Variants in PID1 observed in about 807,000 individuals in gnomAD.
PID1 encodes the protein PTB-containing, cubilin and LRP1-interacting protein.
Under a neutral mutation model 19.1 loss-of-function variants are expected in PID1, and 10 were observed. That is an observed-to-expected ratio of 0.52 (90% CI 0.32 to 0.89). The LOEUF is 0.89. Among genes scored for constraint, PID1 ranks in the 40% least tolerant of loss-of-function variants. The pLI is 0.03. For missense variants in PID1, 248 were observed against 285.3 expected (o/e 0.87, Z 0.94); for synonymous variants, 130 against 116.0 (o/e 1.12, Z -0.78).
chr2:229,162,314 A>G (rs1170314862), intron 1 of PID1, among the ~76,000 whole-genome samples: 1 of 152,222 alleles, frequency 6.6e-6, no homozygotes, highest in Non-Finnish European at 1.5e-5. Context: ...AGCAAGTGGC[A>G]ATTTACATAT....
intron 1 of PID1, among the ~76,000 whole-genome samples, chr2:229,204,196 T>C (rs114820236): frequency 0.02 from 2,968 of 152,144 alleles, 86 homozygotes; most frequent in African/African-American, 0.067. Context: ...TGTTTATTGC[T>C]AGAGCTGCTG....
intron 2 of PID1, among the ~76,000 whole-genome samples, chr2:229,052,297 A>G (rs891122266): frequency 2.6e-5 from 4 of 152,168 alleles, no homozygotes; most frequent in South Asian, 2.1e-4. Context: ...GGAAAAAAAA[A>G]TCCCATAGAA....
At chr2:229,220,723 G>A (rs918874303) in intron 1 of PID1, among the ~76,000 whole-genome samples, 1 of 152,050 alleles carries the variant, frequency 6.6e-6, no homozygotes. Context: ...CTCCACCTCC[G>A]CATTAATGCA....
chr2:229,057,152 T>C (rs777545354), intron 2 of PID1, among the ~76,000 whole-genome samples: 3 of 151,864 alleles, frequency 2.0e-5, no homozygotes, highest in Non-Finnish European at 4.4e-5. Flanking sequence ...AAAAACAAAC[T>C]AATAGCCAGG....
rs116788258 is a variant in PID1, at chr2:229,122,160, T to C, written c.177+33658A>G. 4.0e-3 allele frequency among the ~76,000 whole-genome samples: 615 copies of C among 152,336 alleles called. 1 individual carries two copies. The highest frequency in any genetic ancestry group is 0.014 in the African/African-American group (572 of 41,584). ...TCCTGGTTGAGGCGAAGAGTTTCTC[T>C]ACTAAAAAGTTAATGAAAAAGGTTT... On this transcript the variant is annotated intron_variant, in intron 2 of 2. Transcript: ENST00000392055.
chr2:229,144,721 G>A (rs530130157), intron 2 of PID1, among the ~76,000 whole-genome samples: 24 of 152,204 alleles, frequency 1.6e-4, no homozygotes, highest in African/African-American at 5.5e-4. Flanking sequence ...GTTTGGATAT[G>A]TAAAGGTAAA....
At chr2:229,224,091 T>C (rs2106260959) in intron 1 of PID1, among the ~76,000 whole-genome samples, 1 of 152,362 alleles carries the variant, frequency 6.6e-6, no homozygotes, top group East Asian at 1.9e-4. Flanking sequence ...GCTGCATCCA[T>C]GTTGCTACAA....
At chr2:229,034,739 G>GT (rs1428650971) in intron 2 of PID1, among the ~76,000 whole-genome samples, 2 of 151,732 alleles carry the variant, frequency 1.3e-5, no homozygotes, top group African/African-American at 4.9e-5. Context: ...TTTTCTGACA[G>GT]TGTCTCCTTT....
intron 1 of PID1, among the ~76,000 whole-genome samples, chr2:229,211,305 T>C (rs1346844259): frequency 6.6e-6 from 1 of 152,022 alleles, no homozygotes; most frequent in Admixed American, 6.6e-5. Context: ...CTAATATGCC[T>C]ATATCCCTTC....
intron 2 of PID1, among the ~76,000 whole-genome samples, chr2:229,077,211 C>T (rs1050540495): frequency 2.0e-5 from 3 of 152,066 alleles, no homozygotes; most frequent in African/African-American, 7.2e-5. Flanking sequence ...TGTTCATATC[C>T]TTCGCCAACT....
chr2:229,072,873 G>T (rs1452985907), intron 2 of PID1, among the ~76,000 whole-genome samples: 1 of 152,182 alleles, frequency 6.6e-6, no homozygotes, highest in Non-Finnish European at 1.5e-5. Context: ...CTTCTAGAAG[G>T]TGTTAGAGTG....
chr2:229,056,285 C>A (rs995725081), intron 2 of PID1, among the ~76,000 whole-genome samples: 1 of 152,124 alleles, frequency 6.6e-6, no homozygotes, highest in Non-Finnish European at 1.5e-5. Flanking sequence ...AAACCCTTGC[C>A]ATTTACGGTC....
At chr2:229,156,958 GT>G (rs1181696044) in intron 1 of PID1, among the ~76,000 whole-genome samples, 2 of 152,188 alleles carry the variant, frequency 1.3e-5, no homozygotes, top group Non-Finnish European at 2.9e-5. Context: ...CCTGTCGTAG[GT>G]ATTTGCAAGT....
chr2:229,191,339 C>T (rs1248502592), intron 1 of PID1, among the ~76,000 whole-genome samples: 1 of 152,160 alleles, frequency 6.6e-6, no homozygotes. Context: ...TGGCCCAGTG[C>T]TCTGGAAAGA....
At chr2:229,260,406 T>C (rs1312535503) in intron 1 of PID1, among the ~76,000 whole-genome samples, 1 of 151,816 alleles carries the variant, frequency 6.6e-6, no homozygotes, top group African/African-American at 2.4e-5. Flanking sequence ...GGTCTACATA[T>C]ATTGACCAGA....
chr2:229,166,499 T>C (rs920654835), intron 1 of PID1, among the ~76,000 whole-genome samples: 1 of 152,196 alleles, frequency 6.6e-6, no homozygotes, highest in Non-Finnish European at 1.5e-5. Context: ...TTTAATTCAT[T>C]CAAATGGCTT....
chr2:229,028,143 T>C (rs760270819), intron 2 of PID1, among the ~76,000 whole-genome samples: 1 of 152,236 alleles, frequency 6.6e-6, no homozygotes, highest in African/African-American at 2.4e-5. Context: ...ATCCCTTAGA[T>C]AAAATGCTTG....
chr2:229,181,201 A>G (rs1690938665), intron 1 of PID1, among the ~76,000 whole-genome samples: 1 of 152,220 alleles, frequency 6.6e-6, no homozygotes, highest in Non-Finnish European at 1.5e-5. Context: ...AAGCCTTATT[A>G]GTGAGGAATC....
chr2:229,206,334 T>C (rs990219026), intron 1 of PID1, among the ~76,000 whole-genome samples: 8 of 151,992 alleles, frequency 5.3e-5, no homozygotes, highest in Admixed American at 3.3e-4. Flanking sequence ...TCAATGTTCA[T>C]TGAATATTGA....
Sources: allele counts gnomAD v4.1 joint callset (sites outside exome capture counted in the v4.1 genomes callset), GRCh38; gene constraint gnomAD v4.1.1; transcripts MANE v1.5; gene names NCBI Gene and HGNC (gene_info 2026-07-23, HGNC 2026-07-21).